SNX31: variants seen among roughly 807,000 people sequenced by gnomAD.
SNX31 encodes sorting nexin-31.
SNX31 carries 58 observed loss-of-function variants against 65.4 expected under a neutral mutation model. The observed-to-expected ratio is 0.89, with a 90% confidence interval of 0.72 to 1.10. The LOEUF (loss-of-function observed/expected upper bound fraction) is 1.10. Ranked by LOEUF, SNX31 falls within the 50% of genes least tolerant of loss-of-function variation. The probability of loss-of-function intolerance (pLI) is 0.00; values close to 1 mark genes in which losing one functional copy is unlikely to be tolerated. For missense variants in SNX31, 523 were observed against 529.7 expected (o/e 0.99, Z 0.12); for synonymous variants, 181 against 190.1 (o/e 0.95, Z 0.39).
intron 10 of SNX31, 71 bp downstream of exon 10, chr8:100,596,568 G>T (rs1197165781): frequency 1.4e-5 from 18 of 1,303,436 alleles, no homozygotes; most frequent in Non-Finnish European, 8.9e-6. Context: ...TGTCTCCCTA[G>T]TGTCAACTTT....
Position 100,596,692 on chromosome 8 carries a change from G to A in SNX31, c.925C>T (p.Gln309Ter), listed in dbSNP as rs376974215. The change falls in exon 10 of 14, where the codon CAG becomes TAG. Residue 309 changes from glutamine to a stop codon, truncating the protein, a stop_gained. Transcript: ENST00000311812. LOFTEE classifies it high-confidence loss of function. ...CCITLPDSQT[Q>*]DIVFQMSRVK... The stretch of plus-strand genomic sequence containing the variant: ...CTGCTCATCTGGAAAACGATGTCCT[G>A]GGTCTGGCTGTCAGGCAGGGTGATG... 7.4e-6 allele frequency: 12 copies of A among 1,614,102 alleles called. No individual in the cohort carries two copies. The highest frequency in any genetic ancestry group is 1.3e-5 in the African/African-American group (1 of 75,014).
chr8:100,621,652 C>A (rs944511826), intron 4 of SNX31, among the ~76,000 whole-genome samples: 1 of 152,222 alleles, frequency 6.6e-6, no homozygotes, highest in East Asian at 1.9e-4. Flanking sequence ...CCTCCCCTAC[C>A]AAGTGGTCCT....
intron 2 of SNX31, among the ~76,000 whole-genome samples, chr8:100,646,005 C>A (rs575545960): frequency 6.6e-6 from 1 of 152,058 alleles, no homozygotes; most frequent in South Asian, 2.1e-4. Context: ...GTCTGGAACT[C>A]GCATGACAGA....
chr8:100,592,626 A>G (rs149781273), intron 10 of SNX31, among the ~76,000 whole-genome samples: 103 of 152,280 alleles, frequency 6.8e-4, no homozygotes, highest in African/African-American at 2.2e-3. Context: ...ACTCCTAGGT[A>G]TATACTCAAG....
At chr8:100,584,977 G>A (rs1467402514) in intron 11 of SNX31, among the ~76,000 whole-genome samples, 2 of 151,758 alleles carry the variant, frequency 1.3e-5, no homozygotes, top group South Asian at 2.1e-4. Flanking sequence ...CACCCGCCTC[G>A]CCTCCCAAAG....
chr8:100,639,198 C>T lies in SNX31; in HGVS notation c.142-3187G>A, dbSNP rs80279882. Among the ~76,000 whole-genome samples, 583 of 152,238 alleles carry T rather than the reference C, an allele frequency of 3.8e-3. 8 individuals carry two copies. The highest frequency in any genetic ancestry group is 0.014 in the African/African-American group (562 of 41,522). ...TTTCTGAACTTTACAACAGAAGCTT[C>T]GTGTTTGCAAATATTTTTAGAAATA... On this transcript the variant is annotated intron_variant, in intron 2 of 13. Transcript: ENST00000311812.
At chr8:100,654,985 C>A (rs1820034248) in intron 1 of SNX31, among the ~76,000 whole-genome samples, 1 of 152,148 alleles carries the variant, frequency 6.6e-6, no homozygotes, top group Admixed American at 6.5e-5. Flanking sequence ...TGCACTTCAG[C>A]CTGGGTGACA....
intron 12 of SNX31, among the ~76,000 whole-genome samples, chr8:100,582,876 G>A (rs1319415658): frequency 6.6e-6 from 1 of 151,256 alleles, no homozygotes; most frequent in Non-Finnish European, 1.5e-5. Context: ...CCAGCTACTC[G>A]GGAGGCTGAG....
chr8:100,643,872 A>C (rs1819440988), intron 2 of SNX31, among the ~76,000 whole-genome samples: 1 of 152,152 alleles, frequency 6.6e-6, no homozygotes, highest in Non-Finnish European at 1.5e-5. Context: ...ACAAAATATA[A>C]ACACAAAAAG....
At chr8:100,656,640 CAA>C (rs34052612) in intron 1 of SNX31, among the ~76,000 whole-genome samples, 152 of 44,552 alleles carry the variant, frequency 3.4e-3, no homozygotes, top group Admixed American at 0.012. Flanking sequence ...GACTCTGTCT[CAA>C]AAAAAAAAAA....
chr8:100,599,976 T>G (rs1481977324), intron 9 of SNX31, among the ~76,000 whole-genome samples: 2 of 152,204 alleles, frequency 1.3e-5, no homozygotes, highest in African/African-American at 4.8e-5. Flanking sequence ...TCATGGCTCT[T>G]GCTGCCAAAG....
rs1814217338 is a variant in SNX31, at chr8:100,588,105, G to T, written c.1092+761C>A. ...CATAGAAAAGGTACTACAGGAAAAA[G>T]GTGAAACATTAAAAAAAAACATAAA... On this transcript the variant is annotated intron_variant, in intron 11 of 13. Coordinates refer to ENST00000311812, the MANE Select transcript of SNX31 (RefSeq NM_152628.4). This position sits in a 1 kb window ranked among gnomAD's most constrained non-coding sequence, Gnocchi z 4.8. Among the ~76,000 whole-genome samples the T allele has an allele frequency of 7.2e-6, 1 of 138,164 alleles. No individual in the cohort carries two copies. Among genetic ancestry groups the T allele is most frequent in the African/African-American group, 2.8e-5 (1 of 35,680 alleles). 90.6% of individuals were successfully genotyped at this position (138,164 alleles called of 152,430 possible). A position where few individuals can be genotyped will look rare whatever the true frequency, so the allele number is the denominator to read the frequency against.
At chr8:100,635,222 T>TTTTTTTTATTTATTTATTTATTTATTTA (rs1818677559) in intron 3 of SNX31, among the ~76,000 whole-genome samples, 2 of 149,766 alleles carry the variant, frequency 1.3e-5, no homozygotes, top group South Asian at 2.2e-4. Context: ...ACCTCATCTC[T>TTTTTTTTATTTATTTATTTATTTATTTA]TTTATTTATT....
At position 100,610,314 on chromosome 8, in the gene SNX31, C is replaced by T. The variant is rs547244876; in HGVS notation, c.611+1686G>A. Among the ~76,000 whole-genome samples the T allele has an allele frequency of 7.9e-4, 120 of 151,900 alleles. No homozygotes were observed. Among genetic ancestry groups the T allele is most frequent in the Admixed American group, 5.1e-3 (78 of 15,230 alleles). ...AGAATCATCATCTCTCCTTTGATCT[C>T]AGGTTTTATGAAGCGCACATGAGTG... On this transcript the variant is annotated intron_variant, in intron 7 of 13. Coordinates refer to ENST00000311812, the MANE Select transcript of SNX31 (RefSeq NM_152628.4). This position sits in a 1 kb window ranked among gnomAD's most constrained non-coding sequence, Gnocchi z 4.0.
chr8:100,640,896 A>T (rs1454984315), intron 2 of SNX31, among the ~76,000 whole-genome samples: 1 of 152,184 alleles, frequency 6.6e-6, no homozygotes, highest in Non-Finnish European at 1.5e-5. Context: ...CCTGGAAGAG[A>T]AATAGGACAT....
At position 100,596,719 on chromosome 8, in the gene SNX31, A is replaced by T; in HGVS notation, c.898T>A (p.Cys300Ser). 6.2e-7 allele frequency: 1 copy of T among 1,614,154 alleles called. No individual in the cohort carries two copies. Among genetic ancestry groups the T allele is most frequent in the Non-Finnish European group, 8.5e-7 (1 of 1,180,018 alleles). ...LSVGNNEISC[C>S]ITLPDSQTQD... Reference sequence around the variant, plus strand: ...GTCTGGCTGTCAGGCAGGGTGATGCAGCAGCTGATCTCATTATTGCCAACA... The same window carrying T: ...GTCTGGCTGTCAGGCAGGGTGATGCTGCAGCTGATCTCATTATTGCCAACA... Residue 300 changes from cysteine to serine, a missense_variant, in exon 10 of 14, where the codon TGC becomes AGC. Coordinates refer to ENST00000311812, the MANE Select transcript of SNX31 (RefSeq NM_152628.4).
rs71516872 is a variant in SNX31, at chr8:100,578,086, A to C, written c.1171-1011T>G. On this transcript the variant is annotated intron_variant, in intron 12 of 13. Coordinates refer to ENST00000311812, the MANE Select transcript of SNX31 (RefSeq NM_152628.4). This position sits in a 1 kb window ranked among gnomAD's most constrained non-coding sequence, Gnocchi z 4.7. ...CACATTCAGACATGTCCTGGGCTGC[A>C]TGCAGCCCGCAGGCTGTGGGTTGGA... Among the ~76,000 whole-genome samples the C allele has an allele frequency of 0.039, 5,954 of 152,264 alleles. 169 individuals carry two copies. Among genetic ancestry groups the C allele is most frequent in the South Asian group, 0.11 (528 of 4,820 alleles).
chr8:100,603,597 G>A (rs779582539), intron 8 of SNX31, among the ~76,000 whole-genome samples: 50 of 151,730 alleles, frequency 3.3e-4, no homozygotes, highest in Non-Finnish European at 5.7e-4. Flanking sequence ...CACCATGCCC[G>A]GCTAATTTTT....
At chr8:100,593,279 C>T (rs888089184) in intron 10 of SNX31, among the ~76,000 whole-genome samples, 3 of 151,998 alleles carry the variant, frequency 2.0e-5, no homozygotes. Context: ...AACAGAGAAC[C>T]TAGAAACAGA....
Sources: allele counts gnomAD v4.1 joint callset (sites outside exome capture counted in the v4.1 genomes callset), GRCh38; gene constraint gnomAD v4.1.1; non-coding constraint Gnocchi (gnomAD v3.1); transcripts MANE v1.5; gene names NCBI Gene and HGNC (gene_info 2026-07-23, HGNC 2026-07-21).